TBX18: variants seen among roughly 807,000 people sequenced by gnomAD.
TBX18 encodes T-box transcription factor 18, also known as T-box transcription factor TBX18.
TBX18 carries 21 observed loss-of-function variants against 55.0 expected under a neutral mutation model. The ratio of observed to expected loss-of-function variants is 0.38; its 90% CI spans 0.27 to 0.55. The LOEUF (loss-of-function observed/expected upper bound fraction) is 0.55, where lower values mean the gene tolerates loss of function less well. TBX18 is among the 20% of genes least tolerant of loss of function. The pLI is 0.73. For synonymous variants in TBX18, 342 were observed against 326.1 expected, an observed-to-expected ratio of 1.05 and a Z score of -0.53; for missense variants, 840 against 799.6, an observed-to-expected ratio of 1.05 and a Z score of -0.61.
intron 3 of TBX18, among the ~76,000 whole-genome samples, chr6:84,759,791 T>C (rs1448239294): frequency 6.6e-6 from 1 of 151,870 alleles, no homozygotes; most frequent in East Asian, 1.9e-4. Context: ...TTAAATAATA[T>C]TCTGAAATTA....
chr6:84,739,480 T>C (rs1307552367), intron 6 of TBX18, among the ~76,000 whole-genome samples: 1 of 152,126 alleles, frequency 6.6e-6, no homozygotes, highest in Non-Finnish European at 1.5e-5. Flanking sequence ...GTTCTGGGAA[T>C]GAGGCCATTC....
chr6:84,752,549 C>T lies in TBX18; in HGVS notation c.771+4149G>A, dbSNP rs141722790. ...TGGACTCTTTACAAATACGTCCTTT[C>T]GAGTTCATCAGCTCATTTAGTTCAC... On this transcript the variant is annotated intron_variant, in intron 4 of 7. Coordinates refer to ENST00000369663, the MANE Select transcript of TBX18 (RefSeq NM_001080508.3). Among the ~76,000 whole-genome samples, 372 of 152,268 alleles carry T rather than the reference C, an allele frequency of 2.4e-3. 1 individual carries two copies. Among genetic ancestry groups the T allele is most frequent in the African/African-American group, 8.4e-3 (349 of 41,556 alleles).
In TBX18 at chr6:84,732,614, T is replaced by A. The variant is rs989789071; in HGVS notation, c.*4071A>T. 1.3e-5 allele frequency: 2 copies of A among 152,108 alleles called. No homozygotes were observed. The highest frequency in any genetic ancestry group is 1.3e-4 in the Admixed American group (2 of 15,274). 9.4% of individuals were successfully genotyped at this position (152,108 alleles called of 1,614,324 possible). A position where few individuals can be genotyped will look rare whatever the true frequency, so the allele number is the denominator to read the frequency against. On this transcript the variant is annotated 3_prime_UTR_variant, in exon 8 of 8. Transcript: ENST00000369663. ...TAATGCCATGCAATTAAGAGCATCA[T>A]GAAAAAGAAATTTTATTAATGTCTT...
chr6:84,746,335 A>C (rs981790982), intron 5 of TBX18, among the ~76,000 whole-genome samples: 2 of 150,096 alleles, frequency 1.3e-5, no homozygotes, highest in African/African-American at 2.4e-5. Context: ...TTTTTCTCCC[A>C]AAAAATCGTT....
In TBX18 at chr6:84,759,613, G is replaced by T. The variant is rs550356773; in HGVS notation, c.599+642C>A. ...ACGTGTATATTTTCAAAATTTACTT[G>T]ATCTTTACATAAATATGTCCTCTTT... On this transcript the variant is annotated intron_variant, in intron 3 of 7. Transcript: ENST00000369663. Among the ~76,000 whole-genome samples the T allele has an allele frequency of 2.5e-4, 38 of 151,020 alleles. 1 individual carries two copies. In the South Asian group the frequency reaches 7.9e-3, roughly 32 times the overall value.
At chr6:84,749,828 T>C (rs1441243648) in intron 4 of TBX18, among the ~76,000 whole-genome samples, 1 of 152,186 alleles carries the variant, frequency 6.6e-6, no homozygotes, top group Non-Finnish European at 1.5e-5. Context: ...AAATAAAATA[T>C]ATAACTTGCT....
intron 5 of TBX18, among the ~76,000 whole-genome samples, chr6:84,746,451 C>A (rs542297553): frequency 1.4e-5 from 2 of 143,524 alleles, no homozygotes; most frequent in Non-Finnish European, 3.0e-5. Context: ...TATAATATTT[C>A]GTATATTATA....
intron 6 of TBX18, chr6:84,742,393 C>T (rs528250399): frequency 6.6e-6 from 1 of 152,134 alleles, no homozygotes; most frequent in East Asian, 1.9e-4. Flanking sequence ...CAATATAGTC[C>T]TAGTATTTTA....
At position 84,738,385 on chromosome 6, in the gene TBX18, C is replaced by T. The variant is rs761391; in HGVS notation, c.1099+112G>A. The T allele has an allele frequency of 0.5, 430,639 of 854,060 alleles. 111,759 individuals are homozygous for T. The highest frequency in any genetic ancestry group is 0.53 in the Non-Finnish European group (266,422 of 500,774). The allele number at this position is 854,060 out of a possible 1,614,324, so 52.9% of individuals were successfully genotyped here. On this transcript the variant is annotated intron_variant, in intron 7 of 7. Coordinates refer to ENST00000369663, the MANE Select transcript of TBX18 (RefSeq NM_001080508.3). ...GACAGATGGAATCTGTAGGACAATG[C>T]TGGTGATGAGGTCATTATTGTAAGT...
In TBX18 at chr6:84,756,987, C is replaced by G. The variant is rs9444228; in HGVS notation, c.600-118G>C. The G allele has an allele frequency of 3.0e-6, 3 of 1,008,688 alleles. No homozygotes were observed. In the Admixed American group the frequency reaches 8.8e-5, roughly 30 times the overall value. The allele number at this position is 1,008,688 out of a possible 1,614,324, so 62.5% of individuals were successfully genotyped here. ...CAGTTTTAAAATAAATCAATTTCCT[C>G]TTTACACTAAAAATAAAATTTCAAG... On this transcript the variant is annotated intron_variant, in intron 3 of 7. Transcript: ENST00000369663.
In TBX18 at chr6:84,737,289, C is replaced by G. The variant is rs767137510; in HGVS notation, c.1220G>C (p.Ser407Thr). Residue 407 changes from serine (S) to threonine (T), a missense_variant, in exon 8 of 8, where the codon AGC (serine) becomes ACC (threonine). Transcript: ENST00000369663. ...AGCAGGGGCCAGACTACACAGCTGG[C>G]TGGTGTTGGGCCCCAGATGGAAGGC... ...SPAFHLGPNT[S>T]QLCSLAPADY... 4.4e-6 allele frequency: 7 copies of G among 1,607,656 alleles called. No homozygotes were observed. Among genetic ancestry groups the G allele is most frequent in the Non-Finnish European group, 5.9e-6 (7 of 1,176,756 alleles).
intron 4 of TBX18, among the ~76,000 whole-genome samples, chr6:84,748,820 CA>C (rs1562261525): frequency 6.6e-6 from 1 of 152,098 alleles, no homozygotes; most frequent in Non-Finnish European, 1.5e-5. Flanking sequence ...TTTTCATGTA[CA>C]AAGACGGGCA....
chr6:84,748,985 AC>A (rs1180666761), intron 4 of TBX18, among the ~76,000 whole-genome samples: 1 of 152,222 alleles, frequency 6.6e-6, no homozygotes, highest in Admixed American at 6.5e-5. Flanking sequence ...TTAAAAAATG[AC>A]CTAAATTGTT....
At chr6:84,741,314 T>C (rs1415780573) in intron 6 of TBX18, 1 of 152,226 alleles carries the variant, frequency 6.6e-6, no homozygotes, top group Non-Finnish European at 1.5e-5. Context: ...CCCTAATTTA[T>C]GCTATCAAAT....
intron 4 of TBX18, among the ~76,000 whole-genome samples, chr6:84,751,955 T>G (rs1767360287): frequency 6.6e-6 from 1 of 152,222 alleles, no homozygotes. Context: ...GGAGAACCAC[T>G]GGTCGTATAA....
chr6:84,739,995 G>A (rs1374596056), intron 6 of TBX18, among the ~76,000 whole-genome samples: 1 of 152,140 alleles, frequency 6.6e-6, no homozygotes, highest in Non-Finnish European at 1.5e-5. Flanking sequence ...TGGAGGGGTG[G>A]TGTGTATACA....
At position 84,753,153 on chromosome 6, in the gene TBX18, A is replaced by C. The variant is rs113143044; in HGVS notation, c.771+3545T>G. Among the ~76,000 whole-genome samples the C allele has an allele frequency of 1.9e-3, 288 of 152,310 alleles. 1 individual carries two copies. Among genetic ancestry groups the C allele is most frequent in the African/African-American group, 5.4e-3 (225 of 41,566 alleles). On this transcript the variant is annotated intron_variant, in intron 4 of 7. Transcript: ENST00000369663. ...ATTAAGGTCTTCAAAACATCCAAAAATTAGCTGTGGAGTGCTGGAACATTT... is the reference window on the plus strand; with the variant it reads ...ATTAAGGTCTTCAAAACATCCAAAACTTAGCTGTGGAGTGCTGGAACATTT...
In TBX18 at chr6:84,764,401, G is replaced by A. The variant is rs369212470; in HGVS notation, c.-220C>T. 15 of 597,174 alleles carry A rather than the reference G, an allele frequency of 2.5e-5. No individual in the cohort carries two copies. In the East Asian group the frequency reaches 3.8e-4, roughly 15 times the overall value. 37.0% of individuals were successfully genotyped at this position (597,174 alleles called of 1,614,324 possible). A position where few individuals can be genotyped will look rare whatever the true frequency, so the allele number is the denominator to read the frequency against. On this transcript the variant is annotated 5_prime_UTR_variant, in exon 1 of 8. Coordinates refer to ENST00000369663, the MANE Select transcript of TBX18 (RefSeq NM_001080508.3). ...GCGCCGGCCAAGTCTCCTTTCCTGG[G>A]TCTCTCTCGCGCGCTCTCTCACTGA...
At chr6:84,745,939 C>CT (rs1445118454) in intron 5 of TBX18, among the ~76,000 whole-genome samples, 1 of 152,108 alleles carries the variant, frequency 6.6e-6, no homozygotes. Flanking sequence ...TAAACTGAAG[C>CT]TTAAGTAAGC....
Sources: gnomAD v4.1 joint callset for allele counts (sites outside exome capture counted in the v4.1 genomes callset) on GRCh38, gnomAD v4.1.1 for gene constraint, MANE v1.5 for transcripts, NCBI Gene and HGNC (gene_info 2026-07-23, HGNC 2026-07-21) for gene names.